Variants in WASHC2C observed in about 807,000 individuals in gnomAD.
WASHC2C encodes Vaccinia Penetration Factor.
Under a neutral mutation model 142.2 loss-of-function variants are expected in WASHC2C, and 73 were observed. The observed-to-expected ratio is 0.51, with a 90% CI of 0.43 to 0.62. The LOEUF is 0.62. Ranked by LOEUF, WASHC2C falls within the 20% of genes least tolerant of loss-of-function variation. The probability of loss-of-function intolerance (pLI) is 0.00; values close to 1 mark genes in which losing one functional copy is unlikely to be tolerated. For missense variants in WASHC2C, 969 were observed against 1,531.7 expected (o/e 0.63, Z 6.13); for synonymous variants, 337 against 565.5 (o/e 0.60, Z 5.73).
intron 29 of WASHC2C, 68 bp downstream of exon 29, chr10:45,789,559 G>A: frequency 2.5e-6 from 4 of 1,604,580 alleles, no homozygotes; most frequent in South Asian, 1.1e-5. Flanking sequence ...GCTTATTTGA[G>A]CCATAGATTA....
At chr10:45,738,193 C>T (rs1220053183) in intron 4 of WASHC2C, 148 bp downstream of exon 4, 2 of 1,517,480 alleles carry the variant, frequency 1.3e-6, no homozygotes, top group African/African-American at 1.4e-5. Context: ...GGATTCTTTC[C>T]TTTGTTTCTG....
At chr10:45,765,430 T>C (rs1417142959) in intron 18 of WASHC2C, among the ~76,000 whole-genome samples, 20 of 149,760 alleles carry the variant, frequency 1.3e-4, no homozygotes, top group South Asian at 2.1e-4. Flanking sequence ...TGATCTCATT[T>C]GCATGTTGTT....
At chr10:45,736,435 A>G (rs1392451868) in intron 3 of WASHC2C, among the ~76,000 whole-genome samples, 2 of 148,680 alleles carry the variant, frequency 1.3e-5, no homozygotes, top group African/African-American at 5.0e-5. Context: ...AAAAAAAAAA[A>G]AAGGGCAAAA....
intron 20 of WASHC2C, among the ~76,000 whole-genome samples, chr10:45,770,549 C>G (rs1292289816): frequency 6.6e-6 from 1 of 151,722 alleles, no homozygotes; most frequent in Non-Finnish European, 1.5e-5. Context: ...ATGTTATTAG[C>G]AGAAAGAAGT....
intron 23 of WASHC2C, among the ~76,000 whole-genome samples, chr10:45,784,252 GTATATATATATATA>G (rs71225139): frequency 2.5e-4 from 10 of 40,720 alleles, no homozygotes; most frequent in East Asian, 2.4e-3. Flanking sequence ...GTGTGTGTGT[GTATATATATATATA>G]TATATATATA....
At chr10:45,732,144 G>A (rs1357149569) in intron 3 of WASHC2C, among the ~76,000 whole-genome samples, 2 of 152,030 alleles carry the variant, frequency 1.3e-5, no homozygotes, top group African/African-American at 4.8e-5. Context: ...CAGTACTTAG[G>A]TGTTACAATT....
Position 45,743,452 on chromosome 10 carries a change from A to T in WASHC2C, c.591A>T (p.Glu197Asp). ...GGTCAAAGCTGTTCATGGAACAAGA[A>T]GATGTAGGTCTTGGAGAGCTGTCCA... is the stretch of plus-strand genomic sequence containing the variant. ...LIGSKLFMEQ[E>D]DVGLGELSSE... The change falls in exon 6 of 31, where the codon GAA becomes GAT. Residue 197 changes from glutamate to aspartate, a missense_variant. Physicochemically the swap from Glu to Asp is conservative, Grantham distance 45. Coordinates refer to ENST00000623400, the MANE Select transcript of WASHC2C (RefSeq NM_001330074.2). 2 of 1,611,946 alleles carry T rather than the reference A, an allele frequency of 1.2e-6. No homozygotes were observed. Among genetic ancestry groups the T allele is most frequent in the South Asian group, 2.2e-5 (2 of 90,982 alleles).
rs529174541 is a variant in WASHC2C, at chr10:45,761,764, T to C, written c.1636-1624T>C. On this transcript the variant is annotated intron_variant, in intron 17 of 30. Transcript: ENST00000623400. ...AGTTAAGGGTCCGAAACTGTGATGTTGACATTTGTTTTTGTTCTTTGCTTT... is the reference window on the plus strand; with the variant it reads ...AGTTAAGGGTCCGAAACTGTGATGTCGACATTTGTTTTTGTTCTTTGCTTT... Among the ~76,000 whole-genome samples the C allele has an allele frequency of 6.1e-3, 935 of 152,190 alleles. 9 individuals carry two copies. Among genetic ancestry groups the C allele is most frequent in the African/African-American group, 0.022 (901 of 41,530 alleles).
rs1418769910 is a variant in WASHC2C, at chr10:45,792,695, T to C, written c.*295T>C. 2 of 524,278 alleles carry C rather than the reference T, an allele frequency of 3.8e-6. No homozygotes were observed. Among genetic ancestry groups the C allele is most frequent in the Non-Finnish European group, 7.2e-6 (2 of 279,522 alleles). 32.5% of individuals were successfully genotyped at this position (524,278 alleles called of 1,614,324 possible). A position where few individuals can be genotyped will look rare whatever the true frequency, so the allele number is the denominator to read the frequency against. On this transcript the variant is annotated 3_prime_UTR_variant, in exon 31 of 31. Coordinates refer to ENST00000623400, the MANE Select transcript of WASHC2C (RefSeq NM_001330074.2). ...GGGTGTGTAAAAGAAGAAATCTCTTTGTGGCTTTCATGGGCAGGGAATCTC... is the reference window on the plus strand; with the variant it reads ...GGGTGTGTAAAAGAAGAAATCTCTTCGTGGCTTTCATGGGCAGGGAATCTC...
At chr10:45,762,068 G>A (rs1226115633) in intron 17 of WASHC2C, among the ~76,000 whole-genome samples, 2 of 148,854 alleles carry the variant, frequency 1.3e-5, no homozygotes, top group African/African-American at 4.9e-5. Flanking sequence ...CTATTTAATT[G>A]TTCGGCTCTT....
chr10:45,773,999 C>T (rs1482132360), intron 21 of WASHC2C, among the ~76,000 whole-genome samples: 1 of 141,798 alleles, frequency 7.1e-6, no homozygotes, highest in Non-Finnish European at 1.5e-5. Context: ...CTGAAAGCAT[C>T]GATAGCACAT....
chr10:45,756,344 A>G (rs879950730), intron 15 of WASHC2C, among the ~76,000 whole-genome samples: 132 of 151,578 alleles, frequency 8.7e-4, no homozygotes, highest in East Asian at 5.4e-3. Context: ...TCAGTGGACT[A>G]TTCTGTGACA....
At chr10:45,752,512 C>G in intron 11 of WASHC2C, 76 bp from the exon 12 acceptor site, 1 of 1,181,002 alleles carries the variant, frequency 8.5e-7, no homozygotes, top group Admixed American at 1.7e-5. Context: ...GGAGACACAG[C>G]AGATGCCAAC....
chr10:45,744,539 C>T (rs1228862360), intron 6 of WASHC2C, among the ~76,000 whole-genome samples: 1 of 151,598 alleles, frequency 6.6e-6, no homozygotes, highest in Non-Finnish European at 1.5e-5. Flanking sequence ...TAATCTGATG[C>T]CATTTCTCAG....
chr10:45,742,877 CTTTTTTT>C (rs1227719013), intron 5 of WASHC2C, among the ~76,000 whole-genome samples: 2 of 96,074 alleles, frequency 2.1e-5, no homozygotes, highest in Non-Finnish European at 2.1e-5. Context: ...CATCTTTTTT[CTTTTTTT>C]TTTTTTTTGA....
At chr10:45,734,963 T>A (rs1235841985) in intron 3 of WASHC2C, among the ~76,000 whole-genome samples, 10 of 152,072 alleles carry the variant, frequency 6.6e-5, no homozygotes, top group African/African-American at 2.4e-4. Context: ...GTGTAGTTGT[T>A]CTTTTCTTCA....
intron 5 of WASHC2C, among the ~76,000 whole-genome samples, 193 bp downstream of exon 5, chr10:45,740,439 A>G (rs1175243035): frequency 1.6e-4 from 25 of 152,212 alleles, no homozygotes; most frequent in African/African-American, 5.3e-4. Context: ...GCAAGGCAAC[A>G]TGTCAAGTTG....
intron 3 of WASHC2C, among the ~76,000 whole-genome samples, chr10:45,735,932 A>T (rs558944341): frequency 3.3e-5 from 5 of 152,088 alleles, no homozygotes; most frequent in African/African-American, 1.2e-4. Context: ...CTCTAGGTAA[A>T]ATCCTTCTCT....
intron 15 of WASHC2C, among the ~76,000 whole-genome samples, chr10:45,756,645 G>T (rs2054334066): frequency 6.6e-6 from 1 of 152,110 alleles, no homozygotes. Flanking sequence ...CAGGAGCCAA[G>T]CCTTCATTTC....
Sources: allele counts gnomAD v4.1 joint callset (sites outside exome capture counted in the v4.1 genomes callset), GRCh38; gene constraint gnomAD v4.1.1; transcripts MANE v1.5; gene names NCBI Gene and HGNC (gene_info 2026-07-23, HGNC 2026-07-21).